MTMR3: variants seen among roughly 807,000 people sequenced by gnomAD.
The protein encoded by MTMR3 is phosphatidylinositol-3,5-bisphosphate 3-phosphatase MTMR3.
A neutral mutation model predicts 132.4 loss-of-function variants in MTMR3; 32 were observed. The ratio of observed to expected loss-of-function variants is 0.24; its 90% CI spans 0.18 to 0.32. MTMR3 has a LOEUF of 0.32. Ranked by LOEUF, MTMR3 falls within the 10% of genes least tolerant of loss-of-function variation. The pLI, the probability that MTMR3 is intolerant of heterozygous loss-of-function variation, is 1.00. For synonymous variants in MTMR3, 556 were observed against 550.3 expected (o/e 1.01, Z -0.14); for missense variants, 1,216 against 1,489.6 (o/e 0.82, Z 3.02).
chr22:29,906,656 G>A (rs183684043), intron 1 of MTMR3, among the ~76,000 whole-genome samples: 5 of 152,112 alleles, frequency 3.3e-5, no homozygotes, highest in African/African-American at 1.2e-4. Flanking sequence ...TTTATACCCC[G>A]AAAGCATTAT....
rs552335650 is a variant in MTMR3 at position 30,016,481 on chromosome 22, G to A, written c.1504-47G>A. 39 of 1,589,810 alleles carry A rather than the reference G, an allele frequency of 2.5e-5. No individual in the cohort carries two copies. In the South Asian group the frequency reaches 4.1e-4, roughly 17 times the overall value. ...GGCTCAGCTGAGCTGACTTATCAGA[G>A]TGTGCATGCCTGATTGCTTAATTTG... is the stretch of plus-strand genomic sequence containing the variant. On this transcript the variant is annotated intron_variant, in intron 14 of 19. Transcript: ENST00000401950.
At position 30,020,669 on chromosome 22, in the gene MTMR3, A is replaced by G. The variant is rs772652118; in HGVS notation, c.3010A>G (p.Thr1004Ala). The G allele has an allele frequency of 9.9e-6, 16 of 1,614,086 alleles. No homozygotes were observed. Among genetic ancestry groups the G allele is most frequent in the African/African-American group, 1.3e-5 (1 of 74,934 alleles). ...LHSHSGRPSA[T>A]SSPDQPSRSH... ...TAGCCACTCAGGAAGGCCATCTGCAACCAGCAGCCCCGACCAGCCTTCCCG... is the reference window on the plus strand; with the variant it reads ...TAGCCACTCAGGAAGGCCATCTGCAGCCAGCAGCCCCGACCAGCCTTCCCG... Residue 1004 changes from threonine (T) to alanine (A), a missense_variant, in exon 17 of 20, where the codon ACC becomes GCC. Physicochemically the swap from Thr to Ala is moderately conservative, Grantham distance 58. Transcript: ENST00000401950.
intron 19 of MTMR3, chr22:30,025,119 A>G (rs2067880470): frequency 6.2e-6 from 1 of 161,394 alleles, no homozygotes; most frequent in South Asian, 1.7e-4. Flanking sequence ...GCAGTCCAAA[A>G]TGGCAGCAGT....
chr22:30,008,892 A>T, intron 11 of MTMR3, 126 bp from the exon 12 acceptor site: 1 of 647,498 alleles, frequency 1.5e-6, no homozygotes. Context: ...AAGCATTTCA[A>T]AACATTTCAG....
intron 1 of MTMR3, among the ~76,000 whole-genome samples, chr22:29,943,261 C>T (rs563091207): frequency 1.1e-4 from 16 of 151,662 alleles, no homozygotes; most frequent in South Asian, 4.2e-4. Context: ...GGCGCCATCT[C>T]GGCTCACTGC....
Position 29,933,733 on chromosome 22 carries a change from G to GTT in MTMR3, c.-137-23285_-137-23284dup, listed in dbSNP as rs758195736. Among the ~76,000 whole-genome samples, 772 of 124,080 alleles carry GTT rather than the reference G, an allele frequency of 6.2e-3. 3 individuals are homozygous for GTT. Among genetic ancestry groups the GTT allele is most frequent in the African/African-American group, 0.016 (538 of 33,754 alleles). The allele number at this position is 124,080 out of a possible 152,430, so 81.4% of individuals were successfully genotyped here. A position where few individuals can be genotyped will look rare whatever the true frequency, so the allele number is the denominator to read the frequency against. Reference sequence around the variant, plus strand: ...TGTAAACCCAACAGAGCAGTTCTGTGTTTTTTTTTTTTTTTTTTTAGGAGA... The same window carrying GTT: ...TGTAAACCCAACAGAGCAGTTCTGTGTTTTTTTTTTTTTTTTTTTTTAGGAGA... On this transcript the variant is annotated intron_variant, in intron 1 of 19. Coordinates refer to ENST00000401950, the MANE Select transcript of MTMR3 (RefSeq NM_021090.4).
chr22:29,959,656 G>A (rs1382444859), intron 2 of MTMR3, among the ~76,000 whole-genome samples: 2 of 152,148 alleles, frequency 1.3e-5, no homozygotes, highest in Non-Finnish European at 2.9e-5. Context: ...TGGGATTACA[G>A]ATGTGTGCCA....
intron 5 of MTMR3, chr22:29,987,499 C>T (rs2066881700): frequency 6.6e-6 from 1 of 152,198 alleles, no homozygotes; most frequent in East Asian, 1.9e-4. Flanking sequence ...AGGCAAATGG[C>T]CCACTCCTTT....
intron 1 of MTMR3, among the ~76,000 whole-genome samples, chr22:29,891,025 T>C (rs965590118): frequency 1.3e-5 from 2 of 148,442 alleles, no homozygotes; most frequent in African/African-American, 5.1e-5. Context: ...GACCATCTCT[T>C]TAGAAAAAAA....
At chr22:29,890,643 A>G (rs1158282869) in intron 1 of MTMR3, among the ~76,000 whole-genome samples, 2 of 152,234 alleles carry the variant, frequency 1.3e-5, no homozygotes, top group Non-Finnish European at 2.9e-5. Flanking sequence ...TTAGTATTCA[A>G]TTCCATATAT....
chr22:30,013,333 C>A, intron 13 of MTMR3, 23 bp from the exon 14 acceptor site: 1 of 1,611,836 alleles, frequency 6.2e-7, no homozygotes, highest in South Asian at 1.1e-5. Context: ...CACAAATGGT[C>A]TCTCCTGGAT....
At chr22:29,971,192 A>G in intron 3 of MTMR3, 130 bp downstream of exon 3, 6 of 914,162 alleles carry the variant, frequency 6.6e-6, no homozygotes, top group Non-Finnish European at 9.5e-6. Context: ...TCTTTCCCAG[A>G]TCTCTTGTGT....
intron 1 of MTMR3, among the ~76,000 whole-genome samples, chr22:29,939,254 G>A (rs1412891731): frequency 6.6e-6 from 1 of 152,134 alleles, no homozygotes; most frequent in Non-Finnish European, 1.5e-5. Flanking sequence ...CTTAAGGTCT[G>A]GTTAAGGAGT....
chr22:29,969,410 T>C (rs1295276227), intron 2 of MTMR3, among the ~76,000 whole-genome samples: 1 of 152,182 alleles, frequency 6.6e-6, no homozygotes, highest in Non-Finnish European at 1.5e-5. Flanking sequence ...TACTACCTTT[T>C]CATTGCTATA....
intron 1 of MTMR3, chr22:29,899,731 C>G (rs1478992856): frequency 2.0e-5 from 3 of 152,118 alleles, no homozygotes; most frequent in African/African-American, 7.2e-5. Flanking sequence ...ACAAAACTAA[C>G]AGATGGGAAT....
intron 1 of MTMR3, among the ~76,000 whole-genome samples, chr22:29,900,755 C>T (rs2064989158): frequency 6.6e-6 from 1 of 152,144 alleles, no homozygotes; most frequent in South Asian, 2.1e-4. Context: ...CACTCTGTCA[C>T]CCAGGGTGGA....
Position 29,891,012 on chromosome 22 carries a change from C to T in MTMR3, c.-138+7653C>T, listed in dbSNP as rs144842008. Among the ~76,000 whole-genome samples the T allele has an allele frequency of 4.7e-3, 685 of 144,454 alleles. 6 individuals are homozygous for T. Among genetic ancestry groups the T allele is most frequent in the African/African-American group, 0.017 (634 of 38,292 alleles). 94.8% of individuals were successfully genotyped at this position (144,454 alleles called of 152,430 possible). On this transcript the variant is annotated intron_variant, in intron 1 of 19. Transcript: ENST00000401950. ...CTGTACTCTAGCCTGGACAACATAGCGAGACCATCTCTTTAGAAAAAAAAA... is the reference window on the plus strand; with the variant it reads ...CTGTACTCTAGCCTGGACAACATAGTGAGACCATCTCTTTAGAAAAAAAAA...
At position 30,018,018 on chromosome 22, in the gene MTMR3, G is replaced by C. The variant is rs768885544; in HGVS notation, c.1766G>C (p.Ser589Thr). 4 of 1,613,736 alleles carry C rather than the reference G, an allele frequency of 2.5e-6. No individual in the cohort carries two copies. In the South Asian group the frequency reaches 4.4e-5, roughly 18 times the overall value. Residue 589 changes from serine (S) to threonine (T), a missense_variant, in exon 16 of 20, where the codon AGC becomes ACC. This residue lies in a region of MTMR3 where 852 missense variants were observed against 852.0 expected (regional missense o/e 1.00). Coordinates refer to ENST00000401950, the MANE Select transcript of MTMR3 (RefSeq NM_021090.4). The stretch of plus-strand genomic sequence containing the variant: ...TCCCCAACCACCCCTGTGGACGACA[G>C]CTGTGCACCATACCCAGCCCCAGGC... ...CPSPTTPVDD[S>T]CAPYPAPGTS...
rs184907202 is a variant in MTMR3, at chr22:29,908,806, G to T, written c.-138+25447G>T. Among the ~76,000 whole-genome samples the T allele has an allele frequency of 3.9e-5, 6 of 152,240 alleles. No individual in the cohort carries two copies. In the East Asian group the frequency reaches 9.6e-4, roughly 24 times the overall value. The stretch of plus-strand genomic sequence containing the variant: ...AAAGTGCTAAACATGGTAAAATTAT[G>T]AAGGATTGCTTTTAGCTATTTGCTG... On this transcript the variant is annotated intron_variant, in intron 1 of 19. Coordinates refer to ENST00000401950, the MANE Select transcript of MTMR3 (RefSeq NM_021090.4).
Sources: allele counts gnomAD v4.1 joint callset (sites outside exome capture counted in the v4.1 genomes callset), GRCh38; gene constraint gnomAD v4.1.1; regional missense constraint gnomAD v4.1.1; transcripts MANE v1.5; gene names NCBI Gene and HGNC (gene_info 2026-07-23, HGNC 2026-07-21).